ATAD1: variants seen among roughly 807,000 people sequenced by gnomAD.
ATAD1 encodes the protein ATPase family AAA domain containing 1.
In ATAD1, 18 loss-of-function variants were observed where a neutral mutation model predicts 42.7. That is an observed-to-expected ratio of 0.42 (90% CI 0.29 to 0.63). The LOEUF (loss-of-function observed/expected upper bound fraction) is 0.63. Among genes scored for constraint, ATAD1 ranks in the 20% least tolerant of loss-of-function variants. The pLI, the probability that ATAD1 is intolerant of heterozygous loss-of-function variation, is 0.19. For synonymous variants in ATAD1, 132 were observed against 143.1 expected (o/e 0.92, Z 0.55); for missense variants, 294 against 440.4 (o/e 0.67, Z 2.98).
intron 1 of ATAD1, among the ~76,000 whole-genome samples, chr10:87,830,704 T>G (rs1857812599): frequency 6.6e-6 from 1 of 152,234 alleles, no homozygotes; most frequent in African/African-American, 2.4e-5. Flanking sequence ...TCCTTACCTA[T>G]TCAGCATAAT....
At chr10:87,822,820 A>T (rs1857655535), upstream of ATAD1, among the ~76,000 whole-genome samples, 1 of 152,178 alleles carries the variant, frequency 6.6e-6, no homozygotes, top group Non-Finnish European at 1.5e-5. Context: ...AGAAATGATA[A>T]ATGCTTGAGG....
At chr10:87,833,113 A>T (rs1219934867) in intron 1 of ATAD1, 1 of 152,090 alleles carries the variant, frequency 6.6e-6, no homozygotes, top group Non-Finnish European at 1.5e-5. Flanking sequence ...AACATAGTAT[A>T]TCTCTCCATT....
intron 2 of ATAD1, among the ~76,000 whole-genome samples, chr10:87,809,747 C>T (rs973753014): frequency 5.3e-5 from 8 of 152,066 alleles, no homozygotes; most frequent in African/African-American, 1.9e-4. Flanking sequence ...ACCCCCGCCT[C>T]CTGGATTCAA....
chr10:87,813,852 C>T (rs1038356424), intron 2 of ATAD1, among the ~76,000 whole-genome samples: 3 of 151,678 alleles, frequency 2.0e-5, no homozygotes, highest in South Asian at 2.1e-4. Flanking sequence ...GAAAAGCCAC[C>T]TAACAGCACA....
chr10:87,781,424 T>C (rs944650985), intron 5 of ATAD1, among the ~76,000 whole-genome samples: 2 of 152,132 alleles, frequency 1.3e-5, no homozygotes, highest in African/African-American at 4.8e-5. Flanking sequence ...AGGAAAGAAT[T>C]GCCTTTATAA....
chr10:87,816,659 A>C (rs568615810), intron 1 of ATAD1, among the ~76,000 whole-genome samples: 1 of 152,206 alleles, frequency 6.6e-6, no homozygotes, highest in Non-Finnish European at 1.5e-5. Flanking sequence ...ATCTTCCATC[A>C]GCATGGATTC....
At chr10:87,790,498 C>A in intron 3 of ATAD1, 68 bp from the exon 4 acceptor site, 3 of 1,442,778 alleles carry the variant, frequency 2.1e-6, no homozygotes, top group South Asian at 1.5e-5. Flanking sequence ...AAAGAACGCT[C>A]CCAAAATTAC....
chr10:87,795,544 T>C (rs1323948891), intron 2 of ATAD1, among the ~76,000 whole-genome samples: 1 of 151,404 alleles, frequency 6.6e-6, no homozygotes, highest in Non-Finnish European at 1.5e-5. Flanking sequence ...GGGGAGTGTG[T>C]GGGGGCCAAA....
chr10:87,763,764 T>A (rs1348481942), intron 8 of ATAD1, among the ~76,000 whole-genome samples: 1 of 152,014 alleles, frequency 6.6e-6, no homozygotes, highest in Non-Finnish European at 1.5e-5. Context: ...TGATAAGATA[T>A]CTGATCTCTT....
At chr10:87,819,263 C>CAAAAAAAAAAAAAAAAAAA (rs57941047), upstream of ATAD1, 7 of 53,716 alleles carry the variant, frequency 1.3e-4, 1 homozygote, top group African/African-American at 5.1e-4. Context: ...ATCGTCTCTA[C>CAAAAAAAAAAAAAAAAAAA]AAAAAAAAAA....
chr10:87,758,476 G>A (rs1653370001), intron 8 of ATAD1, among the ~76,000 whole-genome samples: 1 of 152,052 alleles, frequency 6.6e-6, no homozygotes, highest in South Asian at 2.1e-4. Context: ...AAATTTATGA[G>A]TAATTACCAT....
chr10:87,775,537 A>G (rs1254284363), intron 6 of ATAD1, among the ~76,000 whole-genome samples: 5 of 150,416 alleles, frequency 3.3e-5, no homozygotes, highest in East Asian at 1.9e-4. Context: ...AAAAAAAGGG[A>G]AAATGGTTCT....
At chr10:87,819,289 A>T (rs1018015533), upstream of ATAD1, 1 of 150,396 alleles carries the variant, frequency 6.6e-6, no homozygotes, top group African/African-American at 2.5e-5. Flanking sequence ...AAAAAAAAAA[A>T]AACCACCTAA....
chr10:87,776,221 G>GA (rs998119135), intron 6 of ATAD1, 100 bp downstream of exon 6: 28 of 810,174 alleles, frequency 3.5e-5, no homozygotes, highest in East Asian at 5.0e-5. Context: ...AAATAATTAT[G>GA]AAAAAAAAGT....
intron 1 of ATAD1, among the ~76,000 whole-genome samples, chr10:87,824,419 C>T (rs1327854305): frequency 6.6e-6 from 1 of 152,152 alleles, no homozygotes; most frequent in East Asian, 1.9e-4. Flanking sequence ...TTAAGATCTA[C>T]TGTATACTGA....
chr10:87,812,668 T>C (rs1412684274), intron 2 of ATAD1, among the ~76,000 whole-genome samples: 2 of 152,160 alleles, frequency 1.3e-5, no homozygotes, highest in African/African-American at 4.8e-5. Context: ...ATCCTGAGTG[T>C]TTTAAACACT....
Position 87,776,387 on chromosome 10 carries a change from A to G in ATAD1, c.624T>C (p.Ala208=). 1 of 1,613,882 alleles carries G rather than the reference A, an allele frequency of 6.2e-7. No individual in the cohort carries two copies. The highest frequency in any genetic ancestry group is 1.1e-5 in the South Asian group (1 of 91,082). ...LRNRSSSDHE[A]TAMMKAQFMS... ...TAAACTGAGCTTTCATCATGGCTGT[A>G]GCTTCATGGTCAGAACTTGAACGGT... is the stretch of plus-strand genomic sequence containing the variant. The change falls in exon 6 of 10, where the codon GCT becomes GCC. Residue 208 remains alanine (A), a synonymous_variant. Coordinates refer to ENST00000680024, the MANE Select transcript of ATAD1 (RefSeq NM_001321967.2).
chr10:87,787,969 T>C (rs572463412), intron 4 of ATAD1, among the ~76,000 whole-genome samples: 8 of 152,162 alleles, frequency 5.3e-5, no homozygotes, highest in Non-Finnish European at 1.2e-4. Context: ...TTCAGAAAGT[T>C]TACAGAGGAA....
chr10:87,834,531 A>G (rs967151594), intron 1 of ATAD1, among the ~76,000 whole-genome samples: 1 of 152,292 alleles, frequency 6.6e-6, no homozygotes, highest in Non-Finnish European at 1.5e-5. Flanking sequence ...TTGAGGAATT[A>G]GTCTATTTCA....
Sources: gnomAD v4.1 joint callset for allele counts (sites outside exome capture counted in the v4.1 genomes callset) on GRCh38, gnomAD v4.1.1 for gene constraint, MANE v1.5 for transcripts, NCBI Gene and HGNC (gene_info 2026-07-23, HGNC 2026-07-21) for gene names.